Variants in C11orf65 observed in about 807,000 individuals in gnomAD.
The protein encoded by C11orf65 is protein MFI.
C11orf65 carries 38 observed loss-of-function variants against 35.3 expected under a neutral mutation model. That is an observed-to-expected ratio of 1.08 (90% confidence interval 0.83 to 1.41). The LOEUF is 1.41. Among genes scored for constraint, C11orf65 ranks in the 40% most tolerant of loss-of-function variants. The probability of loss-of-function intolerance (pLI) is 0.00; values close to 1 mark genes in which losing one functional copy is unlikely to be tolerated. For missense variants in C11orf65, 370 were observed against 367.1 expected, an observed-to-expected ratio of 1.01 and a Z score of -0.06; for synonymous variants, 105 against 114.4, an observed-to-expected ratio of 0.92 and a Z score of 0.53.
downstream of C11orf65, chr11:108,330,441 A>G (rs80124497): frequency 2.9e-5 from 47 of 1,612,302 alleles, no homozygotes; most frequent in Middle Eastern, 1.7e-4. Flanking sequence ...ACTCAGCCCA[A>G]TATTCTACCC....
chr11:108,414,101 C>A (rs1272762691), intron 3 of C11orf65, among the ~76,000 whole-genome samples: 1 of 151,504 alleles, frequency 6.6e-6, no homozygotes, highest in African/African-American at 2.4e-5. Flanking sequence ...AACAAGAAAT[C>A]TATAAAGAAA....
chr11:108,321,242 T>C (rs1013977847), intron 6 of C11orf65: 3 of 1,605,158 alleles, frequency 1.9e-6, no homozygotes, highest in Admixed American at 1.7e-5. Flanking sequence ...AATTTAAACA[T>C]TTATTTCCCT....
chr11:108,372,509 TA>T (rs1350857963), intron 2 of C11orf65, among the ~76,000 whole-genome samples: 1 of 152,230 alleles, frequency 6.6e-6, no homozygotes, highest in Non-Finnish European at 1.5e-5. Flanking sequence ...TCTTATTTCT[TA>T]AACAGTGTTT....
chr11:108,460,303 C>T (rs931568249), intron 2 of C11orf65, among the ~76,000 whole-genome samples: 2 of 152,056 alleles, frequency 1.3e-5, no homozygotes, highest in Non-Finnish European at 2.9e-5. Context: ...TTAAAATTAC[C>T]AGGCACAGAG....
At chr11:108,445,182 G>C (rs1029672096) in intron 2 of C11orf65, among the ~76,000 whole-genome samples, 6 of 152,160 alleles carry the variant, frequency 3.9e-5, no homozygotes, top group Admixed American at 1.3e-4. Context: ...CTGGGGGAAG[G>C]GCACAGACAA....
chr11:108,327,907 G>T (rs2085846059), downstream of C11orf65: 1 of 734,272 alleles, frequency 1.4e-6, no homozygotes, highest in African/African-American at 1.8e-5. Context: ...TAGTCTCTAG[G>T]GTGGAGTGAA....
intron 6 of C11orf65, among the ~76,000 whole-genome samples, chr11:108,404,461 G>A (rs572127084): frequency 6.6e-6 from 1 of 152,270 alleles, no homozygotes; most frequent in East Asian, 1.9e-4. Flanking sequence ...AGGCTGGAGT[G>A]CAGTGGTGCG....
intron 2 of C11orf65, among the ~76,000 whole-genome samples, chr11:108,438,152 A>G (rs1043236586): frequency 6.6e-6 from 1 of 152,208 alleles, no homozygotes; most frequent in African/African-American, 2.4e-5. Flanking sequence ...TTCAATGAAG[A>G]GGACAGTATT....
chr11:108,459,901 G>A (rs1032680386), intron 2 of C11orf65, among the ~76,000 whole-genome samples: 1 of 152,136 alleles, frequency 6.6e-6, no homozygotes, highest in South Asian at 2.1e-4. Flanking sequence ...AGAGAAAATA[G>A]CTGCAAACGA....
At chr11:108,442,323 T>C (rs1003482663) in intron 2 of C11orf65, among the ~76,000 whole-genome samples, 1 of 152,184 alleles carries the variant, frequency 6.6e-6, no homozygotes, top group South Asian at 2.1e-4. Context: ...TGTGGGACTA[T>C]GTGAAAAGAT....
intron 6 of C11orf65, chr11:108,309,141 G>A (rs1416854296): frequency 1.3e-5 from 11 of 871,338 alleles, no homozygotes; most frequent in Non-Finnish European, 2.0e-5. Context: ...CTTGTGCTGT[G>A]TAAAAATTAC....
chr11:108,330,114 A>C (rs2086096981), downstream of C11orf65: 347 of 1,391,868 alleles, frequency 2.5e-4, no homozygotes, highest in Non-Finnish European at 3.2e-4. Context: ...CCTGGGATAA[A>C]AACCCAACTT....
At position 108,331,548 on chromosome 11, in the gene C11orf65, C is replaced by A. The variant is rs863224298; in HGVS notation, c.*2G>T. 6.2e-6 allele frequency: 10 copies of A among 1,610,882 alleles called. No homozygotes were observed. Among genetic ancestry groups the A allele is most frequent in the Non-Finnish European group, 7.6e-6 (9 of 1,178,790 alleles). ...TGGGAGGCCTAGGATTTCATGAAGT[C>A]CTCAATAATGTAAGTAAACCTGAAA... On this transcript the variant is annotated 3_prime_UTR_variant, in exon 4 of 4. Coordinates refer to the C11orf65 transcript ENST00000524755.
intron 2 of C11orf65, among the ~76,000 whole-genome samples, chr11:108,362,962 T>G (rs989142507): frequency 7.3e-5 from 11 of 151,524 alleles, no homozygotes; most frequent in African/African-American, 2.2e-4. Context: ...TAAAAAAAAC[T>G]AAAAAAACAA....
At chr11:108,440,754 G>C (rs1157623831) in intron 2 of C11orf65, among the ~76,000 whole-genome samples, 1 of 152,156 alleles carries the variant, frequency 6.6e-6, no homozygotes, top group Non-Finnish European at 1.5e-5. Context: ...CCTAGACTAA[G>C]AGGTTCCAGA....
At chr11:108,312,330 C>T in intron 6 of C11orf65, 1 of 1,055,030 alleles carries the variant, frequency 9.5e-7, no homozygotes, top group Non-Finnish European at 1.5e-6. Flanking sequence ...TAGTTTTTTT[C>T]TGTCAAAGTC....
In C11orf65 at chr11:108,345,870, G is replaced by A. The variant is rs587782202; in HGVS notation, c.227-10578C>T. On this transcript the variant is annotated intron_variant, in intron 2 of 3. Transcript: ENST00000524755. The stretch of plus-strand genomic sequence containing the variant: ...GATCCAGCTATTTGGTTTGAGAAGC[G>A]ATTGGCTTATACGCGCAGTGTAGCT... The A allele has an allele frequency of 8.1e-6, 13 of 1,613,824 alleles. No homozygotes were observed. The South Asian group carries it at 8.8e-5, about 11-fold the overall frequency.
intron 2 of C11orf65, among the ~76,000 whole-genome samples, chr11:108,435,889 T>C (rs2093052665): frequency 6.6e-6 from 1 of 152,154 alleles, no homozygotes; most frequent in African/African-American, 2.4e-5. Context: ...GTAAATATGC[T>C]GTTACATGGA....
intron 7 of C11orf65, among the ~76,000 whole-genome samples, chr11:108,387,081 A>G (rs1466873764): frequency 6.6e-6 from 1 of 151,832 alleles, no homozygotes; most frequent in Non-Finnish European, 1.5e-5. Flanking sequence ...GATCTCAAAA[A>G]AGAAAAAAAA....
Sources: gnomAD v4.1 joint callset for allele counts (sites outside exome capture counted in the v4.1 genomes callset) on GRCh38, gnomAD v4.1.1 for gene constraint, MANE v1.5 for transcripts, NCBI Gene and HGNC (gene_info 2026-07-23, HGNC 2026-07-21) for gene names.